Variants in XKR4 observed in about 807,000 individuals in gnomAD.
XKR4 encodes the protein XK related 4.
A neutral mutation model predicts 53.9 loss-of-function variants in XKR4; 12 were observed. That is an observed-to-expected ratio of 0.22 (90% confidence interval 0.14 to 0.36). XKR4 has a LOEUF of 0.36. Ranked by LOEUF, XKR4 falls within the 10% of genes least tolerant of loss-of-function variation. The pLI is 1.00. For missense variants in XKR4, 799 were observed against 859.5 expected, an observed-to-expected ratio of 0.93 and a Z score of 0.88; for synonymous variants, 354 against 362.4, an observed-to-expected ratio of 0.98 and a Z score of 0.26.
At chr8:55,163,139 C>T (rs1463710855) in intron 1 of XKR4, among the ~76,000 whole-genome samples, 1 of 152,186 alleles carries the variant, frequency 6.6e-6, no homozygotes, top group Non-Finnish European at 1.5e-5. Context: ...TAAATCCACT[C>T]CCCTCCTGTT....
chr8:55,301,518 A>G (rs527953059), intron 1 of XKR4, among the ~76,000 whole-genome samples: 6 of 152,152 alleles, frequency 3.9e-5, no homozygotes, highest in East Asian at 3.9e-4. Context: ...CCCAGTAATG[A>G]GATGGCTGGG....
chr8:55,425,099 C>G (rs768303299), intron 2 of XKR4, among the ~76,000 whole-genome samples: 1 of 152,112 alleles, frequency 6.6e-6, no homozygotes, highest in African/African-American at 2.4e-5. Flanking sequence ...CCTCATCAAG[C>G]CCTATTGTCT....
chr8:55,233,726 C>T (rs540641111), intron 1 of XKR4, among the ~76,000 whole-genome samples: 84 of 152,328 alleles, frequency 5.5e-4, no homozygotes, highest in African/African-American at 1.7e-3. Flanking sequence ...CTGACATTTT[C>T]GGGAACTTTT....
At chr8:55,289,699 A>AAGAAAGAAAGAAAGAAAGAAAGAAAG (rs1563316566) in intron 1 of XKR4, among the ~76,000 whole-genome samples, 2 of 125,598 alleles carry the variant, frequency 1.6e-5, no homozygotes, top group African/African-American at 5.5e-5. Context: ...AAGAAAGAGA[A>AAGAAAGAAAGAAAGAAAGAAAGAAAG]AGAAAGAAAG....
chr8:55,161,179 G>A (rs1250414302), intron 1 of XKR4, among the ~76,000 whole-genome samples: 2 of 152,164 alleles, frequency 1.3e-5, no homozygotes, highest in Non-Finnish European at 2.9e-5. Context: ...TTCACAGCAC[G>A]TGGCCATGCA....
At chr8:55,198,845 C>G (rs375598551) in intron 1 of XKR4, among the ~76,000 whole-genome samples, 10 of 152,152 alleles carry the variant, frequency 6.6e-5, no homozygotes, top group African/African-American at 2.2e-4. Flanking sequence ...ACTGACCCCC[C>G]ACTTTGTTAT....
intron 1 of XKR4, among the ~76,000 whole-genome samples, chr8:55,352,584 A>T (rs1803739447): frequency 6.6e-6 from 1 of 152,216 alleles, no homozygotes; most frequent in South Asian, 2.1e-4. Flanking sequence ...TTTCAAAGTC[A>T]ATCAATAAAT....
At chr8:55,165,561 G>A (rs1817054072) in intron 1 of XKR4, among the ~76,000 whole-genome samples, 1 of 152,120 alleles carries the variant, frequency 6.6e-6, no homozygotes, top group Non-Finnish European at 1.5e-5. Flanking sequence ...AATTTGTGGT[G>A]TCATAATCAA....
intron 2 of XKR4, among the ~76,000 whole-genome samples, chr8:55,430,277 G>A (rs1805082996): frequency 6.6e-6 from 1 of 152,100 alleles, no homozygotes; most frequent in Non-Finnish European, 1.5e-5. Flanking sequence ...AATAGCATAT[G>A]ACCAAGCCAT....
Position 55,271,958 on chromosome 8 carries a change from C to T in XKR4, c.807-85720C>T, listed in dbSNP as rs554600671. ...TGGCAAGATGCTACAGATTGTGGGTCAAAATTCTGTTTTTTATATGGTCTA... is the reference window on the plus strand; with the variant it reads ...TGGCAAGATGCTACAGATTGTGGGTTAAAATTCTGTTTTTTATATGGTCTA... On this transcript the variant is annotated intron_variant, in intron 1 of 2. Coordinates refer to ENST00000327381, the MANE Select transcript of XKR4 (RefSeq NM_052898.2). 3.9e-4 allele frequency among the ~76,000 whole-genome samples: 59 copies of T among 152,256 alleles called. 1 individual carries two copies. The highest frequency in any genetic ancestry group is 6.8e-3 in the Middle Eastern group (2 of 294).
intron 2 of XKR4, among the ~76,000 whole-genome samples, chr8:55,516,241 A>G (rs1219079050): frequency 6.6e-6 from 1 of 152,226 alleles, no homozygotes. Context: ...AAATTTCTTG[A>G]CTGCAAGAAA....
At chr8:55,192,073 G>T (rs1817450301) in intron 1 of XKR4, among the ~76,000 whole-genome samples, 1 of 151,432 alleles carries the variant, frequency 6.6e-6, no homozygotes, top group Admixed American at 6.6e-5. Context: ...TACAACTAAT[G>T]AATTTATTTA....
chr8:55,455,924 A>G (rs541276141), intron 2 of XKR4, among the ~76,000 whole-genome samples: 3 of 152,222 alleles, frequency 2.0e-5, no homozygotes, highest in Middle Eastern at 3.2e-3. Context: ...GACAACCTCA[A>G]TAGCTACATG....
chr8:55,331,505 A>C (rs892842229), intron 1 of XKR4, among the ~76,000 whole-genome samples: 3 of 151,870 alleles, frequency 2.0e-5, no homozygotes, highest in Non-Finnish European at 4.4e-5. Flanking sequence ...TTCCTTGTTC[A>C]TCTTTTTTTT....
chr8:55,451,766 T>C, intron 2 of XKR4: 1 of 1,097,538 alleles, frequency 9.1e-7, no homozygotes, highest in East Asian at 2.4e-5. Context: ...AGGCGGCTGC[T>C]CAGGGGGCCC....
At chr8:55,505,787 G>T (rs78073963) in intron 2 of XKR4, among the ~76,000 whole-genome samples, 2,370 of 152,266 alleles carry the variant, frequency 0.016, 54 homozygotes, top group African/African-American at 0.055. Flanking sequence ...TGTATTTTCT[G>T]CTGAAGTCCT....
intron 1 of XKR4, among the ~76,000 whole-genome samples, chr8:55,185,936 G>T (rs749927846): frequency 5.3e-5 from 8 of 152,156 alleles, no homozygotes; most frequent in Non-Finnish European, 1.5e-5. Flanking sequence ...CAGTGGTGTT[G>T]TTGATATACC....
chr8:55,228,217 A>G (rs900209014), intron 1 of XKR4, among the ~76,000 whole-genome samples: 1 of 152,154 alleles, frequency 6.6e-6, no homozygotes. Context: ...CGGCCATGTC[A>G]TTACTGTTTT....
rs766330645 is a variant in XKR4 at position 55,102,551 on chromosome 8, G to A, written c.63G>A (p.Pro21=). 9.7e-6 allele frequency: 15 copies of A among 1,552,600 alleles called. No individual in the cohort carries two copies. In the South Asian group the frequency reaches 1.7e-4, roughly 18 times the overall value. The change falls in exon 1 of 3, where the codon CCG becomes CCA. Residue 21 remains proline, a synonymous_variant. Coordinates refer to ENST00000327381, the MANE Select transcript of XKR4 (RefSeq NM_052898.2). This position sits in a 1 kb window ranked among gnomAD's most constrained non-coding sequence, Gnocchi z 5.1. ...MKKSSDVAFT[P]LQNSDHSGSV... is the part of the protein sequence containing the mutation. ...AAAGCAGCGACGTGGCGTTCACCCC[G>A]CTGCAGAACTCGGACCACTCGGGCT...
Sources: gnomAD v4.1 joint callset for allele counts (sites outside exome capture counted in the v4.1 genomes callset) on GRCh38, gnomAD v4.1.1 for gene constraint, Gnocchi (gnomAD v3.1) non-coding constraint, MANE v1.5 for transcripts, NCBI Gene and HGNC (gene_info 2026-07-23, HGNC 2026-07-21) for gene names.